Variants in RSL24D1 observed in about 807,000 individuals in gnomAD.
RSL24D1 encodes ribosomal L24 domain containing 1, also known as probable ribosome biogenesis protein RLP24.
Under a neutral mutation model 26.2 loss-of-function variants are expected in RSL24D1, and 6 were observed. The ratio of observed to expected loss-of-function variants is 0.23; its 90% CI spans 0.13 to 0.45. The LOEUF (loss-of-function observed/expected upper bound fraction) is 0.45. Ranked by LOEUF, RSL24D1 falls within the 20% of genes least tolerant of loss-of-function variation. The probability of loss-of-function intolerance (pLI) is 0.99; values close to 1 mark genes in which losing one functional copy is unlikely to be tolerated. For missense variants in RSL24D1, 176 were observed against 202.6 expected (o/e 0.87, Z 0.80); for synonymous variants, 61 against 59.1 (o/e 1.03, Z -0.15).
At position 55,181,928 on chromosome 15, in the gene RSL24D1, G is replaced by T. The variant is rs1265942968; in HGVS notation, c.*224C>A. On this transcript the variant is annotated 3_prime_UTR_variant, in exon 6 of 6. Transcript: ENST00000260443. ...CAATTCACTTCTATAGTTACAAGTA[G>T]AATTTTCATGATTTACTTAAGTACA... 4.5e-6 allele frequency: 2 copies of T among 448,094 alleles called. No individual in the cohort carries two copies. Among genetic ancestry groups the T allele is most frequent in the Admixed American group, 3.7e-5 (1 of 27,006 alleles). The allele number at this position is 448,094 out of a possible 1,614,324, so 27.8% of individuals were successfully genotyped here.
At position 55,183,166 on chromosome 15, in the gene RSL24D1, G is replaced by A. The variant is rs1020544439; in HGVS notation, c.418+149C>T. ...ATATAAATAGACTGACTGCAATTGG[G>A]AAATACACTGAATAAATTACATTTT... On this transcript the variant is annotated intron_variant, in intron 5 of 5. Coordinates refer to ENST00000260443, the MANE Select transcript of RSL24D1 (RefSeq NM_016304.3). 6 of 584,098 alleles carry A rather than the reference G, an allele frequency of 1.0e-5. No individual in the cohort carries two copies. The African/African-American group carries it at 1.1e-4, about 11-fold the overall frequency. The allele number at this position is 584,098 out of a possible 1,614,324, so 36.2% of individuals were successfully genotyped here. A position where few individuals can be genotyped will look rare whatever the true frequency, so the allele number is the denominator to read the frequency against.
chr15:55,182,782 G>T (rs1894182900), intron 5 of RSL24D1, among the ~76,000 whole-genome samples: 1 of 152,158 alleles, frequency 6.6e-6, no homozygotes, highest in South Asian at 2.1e-4. Flanking sequence ...TACAGAATTT[G>T]ACCTTTACTA....
rs1894314291 is a variant in RSL24D1, at chr15:55,192,875, CT to C, written c.82-43del. On this transcript the variant is annotated intron_variant, in intron 1 of 5. Coordinates refer to ENST00000260443, the MANE Select transcript of RSL24D1 (RefSeq NM_016304.3). Reference sequence around the variant, plus strand: ...AATATTGAGAAGTCAACATTAAAAACTTTTCTATCACAAGACGTTACCCCTG... The same window carrying C: ...AATATTGAGAAGTCAACATTAAAAACTTTCTATCACAAGACGTTACCCCTG... 3.6e-6 allele frequency: 5 copies of C among 1,373,224 alleles called. No individual in the cohort carries two copies. The South Asian group carries it at 5.9e-5, about 16-fold the overall frequency. The allele number at this position is 1,373,224 out of a possible 1,614,324, so 85.1% of individuals were successfully genotyped here.
At chr15:55,192,896 C>T (rs1232430893) in intron 1 of RSL24D1, 63 bp from the exon 2 acceptor site, 3 of 1,034,122 alleles carry the variant, frequency 2.9e-6, no homozygotes, top group South Asian at 1.3e-5. Context: ...CAAGACGTTA[C>T]CCCTGCTAGA....
intron 3 of RSL24D1, 94 bp from the exon 4 acceptor site, chr15:55,185,519 A>C (rs936428650): frequency 2.3e-6 from 2 of 871,490 alleles, no homozygotes; most frequent in African/African-American, 3.5e-5. Flanking sequence ...ATTCTGATTT[A>C]GAAATGAATT....
intron 3 of RSL24D1, among the ~76,000 whole-genome samples, chr15:55,186,686 T>G (rs1001750380): frequency 6.6e-6 from 1 of 152,166 alleles, no homozygotes; most frequent in African/African-American, 2.4e-5. Context: ...CTTACAAATT[T>G]TGCTATAAAG....
intron 3 of RSL24D1, among the ~76,000 whole-genome samples, chr15:55,189,968 C>G (rs1894274766): frequency 6.6e-6 from 1 of 152,158 alleles, no homozygotes; most frequent in Non-Finnish European, 1.5e-5. Flanking sequence ...CGGGCCGGTG[C>G]CAGGCATGGT....
chr15:55,184,053 A>C (rs1331534687), intron 4 of RSL24D1, among the ~76,000 whole-genome samples: 2 of 152,310 alleles, frequency 1.3e-5, no homozygotes, highest in East Asian at 3.9e-4. Context: ...ATTCAATAGA[A>C]ATGCTAACAG....
chr15:55,196,858 C>G lies in RSL24D1; in HGVS notation c.33G>C (p.Gly11=). 6.2e-7 allele frequency: 1 copy of G among 1,614,170 alleles called. No homozygotes were observed. The highest frequency in any genetic ancestry group is 8.5e-7 in the Non-Finnish European group (1 of 1,180,042). The stretch of plus-strand genomic sequence containing the variant: ...TCATGCCGTGTCCAGGATAGATGGG[C>G]CCCGAACAGAAATAACACTTTTCGA... MRIEKCYFCS[G]PIYPGHGMMF... The change falls in exon 1 of 6, where the codon GGG becomes GGC. Residue 11 remains glycine, a synonymous_variant. Transcript: ENST00000260443.
In RSL24D1 at chr15:55,182,033, G is replaced by C. The variant is rs2140587650; in HGVS notation, c.*119C>G. 1.6e-6 allele frequency: 1 copy of C among 633,632 alleles called. No individual in the cohort carries two copies. The highest frequency in any genetic ancestry group is 2.8e-6 in the Non-Finnish European group (1 of 354,190). The allele number at this position is 633,632 out of a possible 1,614,324, so 39.3% of individuals were successfully genotyped here. Reference sequence around the variant, plus strand: ...ATTATGTAGATGGCAATGCAGGAAAGATGTCTTTTAATCGCTTTTCATTTA... The same window carrying C: ...ATTATGTAGATGGCAATGCAGGAAACATGTCTTTTAATCGCTTTTCATTTA... On this transcript the variant is annotated 3_prime_UTR_variant, in exon 6 of 6. Coordinates refer to ENST00000260443, the MANE Select transcript of RSL24D1 (RefSeq NM_016304.3).
At chr15:55,196,698 C>G in intron 1 of RSL24D1, 112 bp downstream of exon 1, 1 of 993,816 alleles carries the variant, frequency 1.0e-6, no homozygotes, top group African/African-American at 1.6e-5. Context: ...AGGGGAACAA[C>G]GGGAGGAACC....
At chr15:55,190,621 A>C (rs1203271692) in intron 3 of RSL24D1, among the ~76,000 whole-genome samples, 1 of 152,198 alleles carries the variant, frequency 6.6e-6, no homozygotes, top group African/African-American at 2.4e-5. Context: ...CTAAACATGT[A>C]AAGTGTGTTA....
At chr15:55,187,897 A>T (rs1439705264) in intron 3 of RSL24D1, among the ~76,000 whole-genome samples, 5 of 152,082 alleles carry the variant, frequency 3.3e-5, no homozygotes, top group Non-Finnish European at 5.9e-5. Context: ...TATTAAGATT[A>T]AAAAAAAGTT....
At chr15:55,184,674 A>G (rs2140590190) in intron 4 of RSL24D1, among the ~76,000 whole-genome samples, 1 of 152,284 alleles carries the variant, frequency 6.6e-6, no homozygotes, top group East Asian at 1.9e-4. Context: ...GGAAAACAAA[A>G]TAGTAATCTT....
intron 3 of RSL24D1, among the ~76,000 whole-genome samples, chr15:55,189,191 C>T (rs1320966054): frequency 7.2e-5 from 9 of 124,578 alleles, no homozygotes; most frequent in African/African-American, 3.1e-4. Context: ...AGACTCCCAT[C>T]TCAAAAAAAA....
chr15:55,192,390 T>C (rs1247234910), intron 2 of RSL24D1: 2 of 198,264 alleles, frequency 1.0e-5, no homozygotes, highest in Non-Finnish European at 2.0e-5. Flanking sequence ...AATGAGTCTA[T>C]TATAAACTTC....
chr15:55,195,068 G>A (rs559270416), intron 1 of RSL24D1, among the ~76,000 whole-genome samples: 157 of 140,708 alleles, frequency 1.1e-3, no homozygotes, highest in African/African-American at 4.1e-3. Flanking sequence ...GGCTATAAAA[G>A]TGGTAAGAGC....
chr15:55,191,697 A>G (rs1347200980), intron 2 of RSL24D1, among the ~76,000 whole-genome samples: 1 of 152,192 alleles, frequency 6.6e-6, no homozygotes, highest in African/African-American at 2.4e-5. Context: ...ACACAAAACA[A>G]TTTTGGAAAA....
At chr15:55,196,309 A>C in intron 1 of RSL24D1, 1 of 455,224 alleles carries the variant, frequency 2.2e-6, no homozygotes, top group Non-Finnish European at 4.4e-6. Flanking sequence ...GATAAATATC[A>C]CCTCTATGCT....
Sources: allele counts gnomAD v4.1 joint callset (sites outside exome capture counted in the v4.1 genomes callset), GRCh38; gene constraint gnomAD v4.1.1; transcripts MANE v1.5; gene names NCBI Gene and HGNC (gene_info 2026-07-23, HGNC 2026-07-21).